Variants in GULP1 observed in about 807,000 individuals in gnomAD.
GULP1 encodes GULP PTB domain containing engulfment adaptor 1.
Under a neutral mutation model 40.9 loss-of-function variants are expected in GULP1, and 19 were observed. The observed-to-expected ratio is 0.46, with a 90% CI of 0.32 to 0.68. The LOEUF (loss-of-function observed/expected upper bound fraction) is 0.68. GULP1 is among the 30% of genes least tolerant of loss of function. GULP1 has a pLI of 0.03. For synonymous variants in GULP1, 119 were observed against 117.6 expected (o/e 1.01, Z -0.08); for missense variants, 312 against 362.2 (o/e 0.86, Z 1.12).
intron 7 of GULP1, among the ~76,000 whole-genome samples, chr2:188,555,705 T>A (rs1576049876): frequency 6.6e-6 from 1 of 152,190 alleles, no homozygotes; most frequent in South Asian, 2.1e-4. Context: ...TCGTTTTGTA[T>A]CTGCTTAGGG....
At position 188,424,807 on chromosome 2, in the gene GULP1, C is replaced by T. The variant is rs540356844; in HGVS notation, c.-45+40918C>T. ...TGTTTCCCATGTAACAAATAAATGT[C>T]ATTTGTGCAGTAGAGTTTCCCACAG... is the stretch of plus-strand genomic sequence containing the variant. On this transcript the variant is annotated intron_variant, in intron 2 of 11. Transcript: ENST00000409830. Among the ~76,000 whole-genome samples, 334 of 151,908 alleles carry T rather than the reference C, an allele frequency of 2.2e-3. 4 individuals are homozygous for T. Among genetic ancestry groups the T allele is most frequent in the East Asian group, 7.7e-4 (4 of 5,166 alleles).
At chr2:188,469,406 T>C (rs2060401616) in intron 2 of GULP1, among the ~76,000 whole-genome samples, 1 of 152,190 alleles carries the variant, frequency 6.6e-6, no homozygotes, top group African/African-American at 2.4e-5. Flanking sequence ...CATTCTCACA[T>C]TGATATAAAA....
intron 1 of GULP1, among the ~76,000 whole-genome samples, chr2:188,352,616 T>TAACACACACACA (rs1553527007): frequency 2.6e-5 from 2 of 75,958 alleles, no homozygotes; most frequent in African/African-American, 8.8e-5. Context: ...TCTCTCTCTC[T>TAACACACACACA]CTCACACACA....
At position 188,539,947 on chromosome 2, in the gene GULP1, G is replaced by T. The variant is rs1446427812; in HGVS notation, c.262-1234G>T. 3.3e-5 allele frequency among the ~76,000 whole-genome samples: 5 copies of T among 152,040 alleles called. No homozygotes were observed. The South Asian group carries it at 8.3e-4, about 25-fold the overall frequency. On this transcript the variant is annotated intron_variant, in intron 6 of 11. Coordinates refer to ENST00000409830, the MANE Select transcript of GULP1 (RefSeq NM_016315.4). ...AAAACAGTGTAAATTTTTATAGCAA[G>T]CACCCCAGGTATTTGTGCTACACGT...
At chr2:188,340,722 C>T (rs573953868) in intron 1 of GULP1, among the ~76,000 whole-genome samples, 9 of 152,210 alleles carry the variant, frequency 5.9e-5, no homozygotes, top group East Asian at 1.9e-4. Flanking sequence ...AGCTCTTTTT[C>T]GGCATCCGGG....
intron 2 of GULP1, among the ~76,000 whole-genome samples, chr2:188,397,263 A>G (rs1337287926): frequency 6.6e-6 from 1 of 152,228 alleles, no homozygotes; most frequent in Non-Finnish European, 1.5e-5. Flanking sequence ...CTTAATACAT[A>G]ACTATGAGTA....
chr2:188,390,872 G>T (rs2050426253), intron 2 of GULP1, among the ~76,000 whole-genome samples: 1 of 151,880 alleles, frequency 6.6e-6, no homozygotes, highest in African/African-American at 2.4e-5. Flanking sequence ...ATTAAGTAGG[G>T]TGTCCTTTCC....
intron 1 of GULP1, among the ~76,000 whole-genome samples, chr2:188,364,857 C>T (rs1261339198): frequency 7.9e-6 from 1 of 127,260 alleles, no homozygotes; most frequent in Admixed American, 7.5e-5. Flanking sequence ...TATCCACAAA[C>T]ACACACACAC....
At chr2:188,354,755 T>A (rs925749256) in intron 1 of GULP1, among the ~76,000 whole-genome samples, 4 of 152,212 alleles carry the variant, frequency 2.6e-5, no homozygotes, top group South Asian at 2.1e-4. Context: ...ACATTTTTTT[T>A]AATCAGCACA....
intron 1 of GULP1, among the ~76,000 whole-genome samples, chr2:188,347,648 C>G (rs2043870603): frequency 7.2e-6 from 1 of 139,230 alleles, no homozygotes; most frequent in East Asian, 2.1e-4. Context: ...GGGTCTTGCT[C>G]TGTCACCCAG....
chr2:188,372,806 T>A (rs1243705040), intron 1 of GULP1, among the ~76,000 whole-genome samples: 1 of 152,000 alleles, frequency 6.6e-6, no homozygotes, highest in Non-Finnish European at 1.5e-5. Flanking sequence ...AAGACTGAGC[T>A]CAAATGAGAT....
At chr2:188,496,663 G>A (rs925355727) in intron 4 of GULP1, among the ~76,000 whole-genome samples, 1 of 151,884 alleles carries the variant, frequency 6.6e-6, no homozygotes, top group Non-Finnish European at 1.5e-5. Context: ...TGTGGACATA[G>A]CAAGTTAAAG....
At chr2:188,490,263 G>A (rs1297588908) in intron 4 of GULP1, among the ~76,000 whole-genome samples, 1 of 152,076 alleles carries the variant, frequency 6.6e-6, no homozygotes, top group Admixed American at 6.6e-5. Context: ...CAGGAAGATA[G>A]TAGCAAAATT....
intron 3 of GULP1, among the ~76,000 whole-genome samples, chr2:188,482,201 C>G (rs1455299320): frequency 6.6e-6 from 1 of 151,846 alleles, no homozygotes; most frequent in African/African-American, 2.4e-5. Context: ...AATATGAATA[C>G]AGTGCATTAT....
chr2:188,499,133 G>GTATATATATATATA (rs778858143), intron 4 of GULP1, among the ~76,000 whole-genome samples: 4 of 120,716 alleles, frequency 3.3e-5, no homozygotes, highest in Non-Finnish European at 6.8e-5. Context: ...ATATATGTGT[G>GTATATATATATATA]TGTATATATA....
In GULP1 at chr2:188,292,468, C is replaced by T. The variant is rs113680256; in HGVS notation, c.-172+302C>T. Among the ~76,000 whole-genome samples, 54 of 152,320 alleles carry T rather than the reference C, an allele frequency of 3.5e-4. No homozygotes were observed. Among genetic ancestry groups the T allele is most frequent in the African/African-American group, 1.3e-3 (52 of 41,582 alleles). Reference sequence around the variant, plus strand: ...CCAGCGAGGTCGGGGACGCAGCGGTCTCCGGGCTCCAGAAACCTCCTTAGC... The same window carrying T: ...CCAGCGAGGTCGGGGACGCAGCGGTTTCCGGGCTCCAGAAACCTCCTTAGC... On this transcript the variant is annotated intron_variant, in intron 1 of 11. Transcript: ENST00000409830. The surrounding 1 kb of genome is among the most constrained non-coding windows in gnomAD (Gnocchi z 4.0).
At chr2:188,356,756 C>T (rs1320059315) in intron 1 of GULP1, among the ~76,000 whole-genome samples, 1 of 151,958 alleles carries the variant, frequency 6.6e-6, no homozygotes, top group Non-Finnish European at 1.5e-5. Flanking sequence ...AAGAACAAAG[C>T]CAGAGGCGTC....
At chr2:188,425,816 T>C (rs1052828591) in intron 2 of GULP1, among the ~76,000 whole-genome samples, 2 of 152,228 alleles carry the variant, frequency 1.3e-5, no homozygotes, top group African/African-American at 4.8e-5. Flanking sequence ...CAAATTATTA[T>C]GTTTTAACAT....
At chr2:188,414,233 A>G (rs973098880) in intron 2 of GULP1, among the ~76,000 whole-genome samples, 8 of 97,890 alleles carry the variant, frequency 8.2e-5, no homozygotes, top group South Asian at 3.6e-4. Context: ...AAAAAAAAAA[A>G]AAAGAAAAAG....
Sources: gnomAD v4.1 joint callset for allele counts (sites outside exome capture counted in the v4.1 genomes callset) on GRCh38, gnomAD v4.1.1 for gene constraint, Gnocchi (gnomAD v3.1) non-coding constraint, MANE v1.5 for transcripts, NCBI Gene and HGNC (gene_info 2026-07-23, HGNC 2026-07-21) for gene names.